CR1L: variants seen among roughly 807,000 people sequenced by gnomAD.
CR1L encodes the protein complement component receptor 1-like protein.
Under a neutral mutation model 62.3 loss-of-function variants are expected in CR1L, and 59 were observed. The ratio of observed to expected loss-of-function variants is 0.95; its 90% CI spans 0.77 to 1.18. CR1L has a LOEUF of 1.18. Among genes scored for constraint, CR1L ranks in the 50% most tolerant of loss-of-function variants. The probability of loss-of-function intolerance (pLI) is 0.00; values close to 1 mark genes in which losing one functional copy is unlikely to be tolerated. For missense variants in CR1L, 700 were observed against 702.8 expected (o/e 1.00, Z 0.04); for synonymous variants, 279 against 248.7 (o/e 1.12, Z -1.15).
intron 1 of CR1L, among the ~76,000 whole-genome samples, chr1:207,668,814 A>G (rs1663563438): frequency 6.6e-6 from 1 of 151,068 alleles, no homozygotes; most frequent in Admixed American, 6.6e-5. Context: ...CTTGGATGTC[A>G]GCAAAAGCTC....
At chr1:207,713,258 A>G (rs907053626) in intron 10 of CR1L, among the ~76,000 whole-genome samples, 1 of 152,094 alleles carries the variant, frequency 6.6e-6, no homozygotes, top group Non-Finnish European at 1.5e-5. Flanking sequence ...TGTGTGCTAG[A>G]AAAAAAAGAT....
chr1:207,700,458 G>A (rs1199431779), intron 8 of CR1L, among the ~76,000 whole-genome samples: 2 of 152,140 alleles, frequency 1.3e-5, no homozygotes, highest in Non-Finnish European at 2.9e-5. Flanking sequence ...TAGAAATGAG[G>A]AAGAGACTAT....
At chr1:207,723,491 C>G (rs1460434181) in intron 11 of CR1L, 127 bp from the exon 12 acceptor site, 2 of 766,670 alleles carry the variant, frequency 2.6e-6, no homozygotes, top group Non-Finnish European at 4.1e-6. Context: ...AAATCAATGG[C>G]TTTTTATAAA....
At chr1:207,700,233 G>A (rs1185710738) in intron 8 of CR1L, among the ~76,000 whole-genome samples, 2 of 152,156 alleles carry the variant, frequency 1.3e-5, no homozygotes, top group African/African-American at 4.8e-5. Flanking sequence ...ATCTTACAGT[G>A]CTTTTTAGAG....
intron 1 of CR1L, among the ~76,000 whole-genome samples, chr1:207,647,585 C>G (rs1663149674): frequency 6.6e-6 from 1 of 152,226 alleles, no homozygotes; most frequent in Non-Finnish European, 1.5e-5. Context: ...AACCCTAACT[C>G]AGTATCCATA....
Position 207,717,709 on chromosome 1 carries a change from C to T in CR1L, c.1642+18C>T. 1 of 1,613,420 alleles carries T rather than the reference C, an allele frequency of 6.2e-7. No individual in the cohort carries two copies. Among genetic ancestry groups the T allele is most frequent in the Non-Finnish European group, 8.5e-7 (1 of 1,179,446 alleles). ...TGGTGCTGGTCAGTATCCGCTTCCA[C>T]ATATCCTAAATGGGTTCAGAATATG... On this transcript the variant is annotated intron_variant, in intron 11 of 11. Transcript: ENST00000508064.
chr1:207,645,393 G>C (rs1663104108), intron 1 of CR1L, 63 bp downstream of exon 1: 1 of 1,569,876 alleles, frequency 6.4e-7, no homozygotes, highest in South Asian at 1.1e-5. Context: ...AGTCAGTCGG[G>C]CAGGAGGCGC....
At chr1:207,655,169 ACCCTTTCTTTT>A in intron 1 of CR1L, 1 of 563,346 alleles carries the variant, frequency 1.8e-6, no homozygotes. Context: ...CAAAACAGTA[ACCCTTTCTTTT>A]CCCATTTAGT....
intron 5 of CR1L, 25 bp downstream of exon 5, chr1:207,694,776 G>A (rs1664049182): frequency 6.2e-7 from 1 of 1,611,634 alleles, no homozygotes; most frequent in Non-Finnish European, 8.5e-7. Context: ...GGCCTAGAAG[G>A]GCCCTGCCAG....
intron 1 of CR1L, chr1:207,669,158 C>T (rs1663568581): frequency 3.6e-6 from 1 of 281,120 alleles, no homozygotes; most frequent in Non-Finnish European, 6.8e-6. Context: ...GCCTCACACG[C>T]GGGATCCATC....
Position 207,695,302 on chromosome 1 carries a change from A to T in CR1L, c.862+551A>T, listed in dbSNP as rs527399506. Among the ~76,000 whole-genome samples, 260 of 151,700 alleles carry T rather than the reference A, an allele frequency of 1.7e-3. 1 individual carries two copies. Among genetic ancestry groups the T allele is most frequent in the African/African-American group, 5.8e-3 (241 of 41,344 alleles). ...TACCACACCTGGTTAAATTTTTTAT[A>T]TTTTTTTTATAGAGATCGAATCTCA... is the stretch of plus-strand genomic sequence containing the variant. On this transcript the variant is annotated intron_variant, in intron 5 of 11. Transcript: ENST00000508064.
chr1:207,672,122 A>G (rs961607052), intron 1 of CR1L, among the ~76,000 whole-genome samples: 1 of 150,786 alleles, frequency 6.6e-6, no homozygotes, highest in African/African-American at 2.5e-5. Context: ...AAACTCAACT[A>G]TATATTGTGT....
chr1:207,691,105 C>G (rs1663989667), intron 4 of CR1L, among the ~76,000 whole-genome samples: 1 of 152,188 alleles, frequency 6.6e-6, no homozygotes, highest in Non-Finnish European at 1.5e-5. Context: ...TGTCTTTCCT[C>G]TTTGTTCTAG....
chr1:207,667,398 G>A (rs1663539574), intron 1 of CR1L, among the ~76,000 whole-genome samples: 1 of 152,170 alleles, frequency 6.6e-6, no homozygotes, highest in Non-Finnish European at 1.5e-5. Flanking sequence ...CCTGGCTCAT[G>A]GCAGCAACAC....
At chr1:207,647,230 A>G (rs1663140977) in intron 1 of CR1L, among the ~76,000 whole-genome samples, 1 of 152,216 alleles carries the variant, frequency 6.6e-6, no homozygotes, top group Admixed American at 6.5e-5. Flanking sequence ...GCATTTAACA[A>G]ATGACTGGGG....
intron 3 of CR1L, among the ~76,000 whole-genome samples, chr1:207,680,544 A>T (rs1570562): frequency 0.25 from 37,646 of 151,232 alleles, 4,956 homozygotes; most frequent in African/African-American, 0.31. Flanking sequence ...AAATAAAAAA[A>T]TTTTTTTTTT....
At chr1:207,678,168 T>G (rs749567211) in intron 2 of CR1L, 30 bp from the exon 3 acceptor site, 2 of 1,605,874 alleles carry the variant, frequency 1.2e-6, no homozygotes, top group Admixed American at 1.7e-5. Flanking sequence ...TTACTCTACT[T>G]GGCTTCAAAT....
intron 1 of CR1L, among the ~76,000 whole-genome samples, chr1:207,660,203 C>T (rs1201311974): frequency 1.3e-5 from 2 of 152,240 alleles, no homozygotes; most frequent in South Asian, 2.1e-4. Context: ...GCTCCTATAA[C>T]GGACAGACTG....
intron 1 of CR1L, among the ~76,000 whole-genome samples, chr1:207,645,814 G>A (rs11118238): frequency 6.6e-6 from 1 of 151,956 alleles, no homozygotes; most frequent in Non-Finnish European, 1.5e-5. Context: ...TGCGTCTGCT[G>A]TGCCCCATGG....
Sources: gnomAD v4.1 joint callset for allele counts (sites outside exome capture counted in the v4.1 genomes callset) on GRCh38, gnomAD v4.1.1 for gene constraint, MANE v1.5 for transcripts, NCBI Gene and HGNC (gene_info 2026-07-23, HGNC 2026-07-21) for gene names.